The following PRORP variants were observed in gnomAD, a reference collection of about 807,000 sequenced individuals.
The protein encoded by PRORP is mitochondrial ribonuclease P catalytic subunit.
Under a neutral mutation model 59.4 loss-of-function variants are expected in PRORP, and 51 were observed. The observed-to-expected ratio is 0.86, with a 90% CI of 0.69 to 1.08. The LOEUF is 1.08. Ranked by LOEUF, PRORP falls within the 50% of genes least tolerant of loss-of-function variation. The pLI is 0.00. For missense variants in PRORP, 646 were observed against 690.3 expected, an observed-to-expected ratio of 0.94 and a Z score of 0.72; for synonymous variants, 231 against 245.6, an observed-to-expected ratio of 0.94 and a Z score of 0.55.
intron 5 of PRORP, among the ~76,000 whole-genome samples, chr14:35,232,714 C>T (rs1414210361): frequency 6.6e-6 from 1 of 151,996 alleles, no homozygotes; most frequent in African/African-American, 2.4e-5. Flanking sequence ...TTCTTCGTTG[C>T]CAGGCTGGAG....
At chr14:35,168,647 C>G (rs895217590) in intron 4 of PRORP, among the ~76,000 whole-genome samples, 1 of 152,082 alleles carries the variant, frequency 6.6e-6, no homozygotes, top group Admixed American at 6.5e-5. Flanking sequence ...TGTAACATGT[C>G]TGTCAATTTG....
chr14:35,221,309 A>G (rs9646144), intron 5 of PRORP, among the ~76,000 whole-genome samples: 7,663 of 152,292 alleles, frequency 0.05, 444 homozygotes, highest in African/African-American at 0.14. Context: ...TGATGCAAAA[A>G]AATCCATGAT....
At chr14:35,193,160 G>A (rs1467897977) in intron 5 of PRORP, among the ~76,000 whole-genome samples, 6 of 152,128 alleles carry the variant, frequency 3.9e-5, no homozygotes, top group African/African-American at 1.2e-4. Flanking sequence ...AATAGAAGAT[G>A]TATGGGGGGA....
At chr14:35,122,251 C>T (rs1305521723), upstream of PRORP, 8 of 425,936 alleles carry the variant, frequency 1.9e-5, no homozygotes, top group Non-Finnish European at 3.1e-5. Flanking sequence ...CACGATAAGC[C>T]CGCGTTTTCC....
intron 5 of PRORP, among the ~76,000 whole-genome samples, chr14:35,184,673 C>T (rs150445490): frequency 1.4e-3 from 206 of 152,236 alleles, no homozygotes; most frequent in African/African-American, 4.6e-3. Context: ...CTGCCTTCTC[C>T]CACACTCCCC....
chr14:35,182,293 A>G (rs1433363740), intron 5 of PRORP, among the ~76,000 whole-genome samples: 2 of 152,132 alleles, frequency 1.3e-5, no homozygotes, highest in Non-Finnish European at 2.9e-5. Flanking sequence ...TAAAATGTTT[A>G]CAATATGTGA....
chr14:35,186,652 G>A (rs1232415311), intron 5 of PRORP, among the ~76,000 whole-genome samples: 1 of 151,320 alleles, frequency 6.6e-6, no homozygotes, highest in East Asian at 1.9e-4. Flanking sequence ...GAGGGTAAGG[G>A]TGCAGTCATA....
At chr14:35,256,322 G>T (rs111578521) in intron 5 of PRORP, among the ~76,000 whole-genome samples, 111,314 of 111,318 alleles carry the variant, frequency 1, 55,655 homozygotes, top group Middle Eastern at 1. Context: ...GAAATTGTGC[G>T]TATCTTTTTT....
intron 4 of PRORP, among the ~76,000 whole-genome samples, chr14:35,172,439 T>TCCTTCCTC (rs2048335705): frequency 1.6e-5 from 1 of 63,428 alleles, no homozygotes; most frequent in South Asian, 6.0e-4. Flanking sequence ...CTTCCTTCCT[T>TCCTTCCTC]CCTTCCTTCC....
intron 4 of PRORP, among the ~76,000 whole-genome samples, chr14:35,128,029 A>G (rs934618683): frequency 6.6e-6 from 1 of 152,258 alleles, no homozygotes; most frequent in African/African-American, 2.4e-5. Flanking sequence ...GTAGACTGCC[A>G]TGAAAACATT....
chr14:35,224,385 A>T (rs558640926), intron 5 of PRORP, among the ~76,000 whole-genome samples: 1 of 152,296 alleles, frequency 6.6e-6, no homozygotes, highest in East Asian at 1.9e-4. Context: ...TGCTTTATGA[A>T]CAGTAATTTA....
chr14:35,128,744 G>A (rs1413694652), intron 4 of PRORP, among the ~76,000 whole-genome samples: 1 of 151,980 alleles, frequency 6.6e-6, no homozygotes, highest in Non-Finnish European at 1.5e-5. Flanking sequence ...TCTGGCTAAA[G>A]GTTTATCAAT....
At chr14:35,138,891 C>A (rs4982241) in intron 4 of PRORP, among the ~76,000 whole-genome samples, 11,079 of 144,614 alleles carry the variant, frequency 0.077, 1,641 homozygotes, top group African/African-American at 0.25. Flanking sequence ...CCTGGGTTCA[C>A]ATGAGTCTCC....
chr14:35,185,855 T>TAC (rs2048726817), intron 5 of PRORP, among the ~76,000 whole-genome samples: 2 of 152,236 alleles, frequency 1.3e-5, no homozygotes, highest in South Asian at 4.1e-4. Context: ...AGTGTATACT[T>TAC]ACATGTTAAT....
At chr14:35,242,188 A>T (rs10137628) in intron 5 of PRORP, among the ~76,000 whole-genome samples, 14,241 of 152,294 alleles carry the variant, frequency 0.094, 700 homozygotes, top group African/African-American at 0.12. Context: ...TGATAGAAAG[A>T]TCTAAATATC....
At position 35,138,931 on chromosome 14, in the gene PRORP, C is replaced by T. The variant is rs187431870; in HGVS notation, c.1167+11320C>T. 1.7e-4 allele frequency among the ~76,000 whole-genome samples: 24 copies of T among 145,044 alleles called. 1 individual carries two copies. The highest frequency in any genetic ancestry group is 3.5e-3 in the Middle Eastern group (1 of 286). On this transcript the variant is annotated intron_variant, in intron 4 of 7. Transcript: ENST00000534898. ...TCAGCCTCCCGAGTGGCTGGGACTACAGGTGCATACCACCATGCCTGGCTA... is the reference window on the plus strand; with the variant it reads ...TCAGCCTCCCGAGTGGCTGGGACTATAGGTGCATACCACCATGCCTGGCTA...
intron 5 of PRORP, among the ~76,000 whole-genome samples, chr14:35,230,286 A>G (rs1225545692): frequency 1.3e-5 from 2 of 152,098 alleles, no homozygotes. Context: ...TCCTGGACTC[A>G]AGCAATCCAC....
intron 4 of PRORP, among the ~76,000 whole-genome samples, chr14:35,159,523 T>C (rs76420714): frequency 0.079 from 12,067 of 152,208 alleles, 514 homozygotes; most frequent in Middle Eastern, 0.12. Flanking sequence ...TGTTGTTTAG[T>C]TTTTCATATC....
At chr14:35,191,065 G>A (rs1013977378) in intron 5 of PRORP, among the ~76,000 whole-genome samples, 1 of 152,114 alleles carries the variant, frequency 6.6e-6, no homozygotes, top group African/African-American at 2.4e-5. Flanking sequence ...AGCCAGGCAT[G>A]GTAGCATGCA....
Sources: allele counts gnomAD v4.1 joint callset (sites outside exome capture counted in the v4.1 genomes callset), GRCh38; gene constraint gnomAD v4.1.1; transcripts MANE v1.5; gene names NCBI Gene and HGNC (gene_info 2026-07-23, HGNC 2026-07-21).